FAM13A: variants seen among roughly 807,000 people sequenced by gnomAD.
FAM13A encodes family with sequence similarity 13 member A.
FAM13A carries 76 observed loss-of-function variants against 129.6 expected under a neutral mutation model. The observed-to-expected ratio is 0.59, with a 90% CI of 0.49 to 0.71. FAM13A has a LOEUF of 0.71. FAM13A is among the 30% of genes least tolerant of loss of function. The pLI, the probability that FAM13A is intolerant of heterozygous loss-of-function variation, is 0.00. For synonymous variants in FAM13A, 443 were observed against 449.9 expected, an observed-to-expected ratio of 0.98 and a Z score of 0.20; for missense variants, 1,108 against 1,249.3, an observed-to-expected ratio of 0.89 and a Z score of 1.70.
intron 14 of FAM13A, chr4:88,753,815 CA>C (rs1743115521): frequency 6.5e-6 from 1 of 154,678 alleles, no homozygotes; most frequent in Non-Finnish European, 1.4e-5. Context: ...TCAACTAGAA[CA>C]ATAACAAAGT....
chr4:88,852,144 C>T (rs1737667500), intron 6 of FAM13A, among the ~76,000 whole-genome samples: 1 of 150,836 alleles, frequency 6.6e-6, no homozygotes, highest in South Asian at 2.1e-4. Context: ...TGGACTTTCT[C>T]TAACTAACTT....
chr4:88,935,877 C>T (rs1369038931), intron 5 of FAM13A, among the ~76,000 whole-genome samples: 2 of 152,134 alleles, frequency 1.3e-5, no homozygotes, highest in Non-Finnish European at 2.9e-5. Flanking sequence ...AATCACACCC[C>T]TTGTCACATT....
intron 13 of FAM13A, among the ~76,000 whole-genome samples, chr4:88,764,235 G>A (rs1042776362): frequency 6.6e-6 from 1 of 151,708 alleles, no homozygotes; most frequent in African/African-American, 2.4e-5. Context: ...TGTTATCAAA[G>A]GTATGCTTCT....
chr4:88,876,382 A>G (rs1413422272), intron 6 of FAM13A, among the ~76,000 whole-genome samples: 1 of 152,214 alleles, frequency 6.6e-6, no homozygotes, highest in East Asian at 1.9e-4. Context: ...ACTGGAGAAG[A>G]AGATAGTTTG....
intron 5 of FAM13A, among the ~76,000 whole-genome samples, chr4:88,909,144 A>T (rs114902232): frequency 0.016 from 2,510 of 152,330 alleles, 23 homozygotes; most frequent in Non-Finnish European, 0.025. Flanking sequence ...TATCAACACA[A>T]ATGCAAATAG....
intron 5 of FAM13A, among the ~76,000 whole-genome samples, chr4:88,910,682 G>A (rs1346728778): frequency 1.4e-5 from 2 of 146,900 alleles, no homozygotes; most frequent in Admixed American, 6.9e-5. Flanking sequence ...ATGGAGTCTC[G>A]CTCTGTCACC....
intron 6 of FAM13A, among the ~76,000 whole-genome samples, chr4:88,868,116 G>T (rs992374088): frequency 4.0e-5 from 6 of 151,810 alleles, no homozygotes; most frequent in African/African-American, 1.5e-4. Context: ...TTTCATTTTT[G>T]CTAATTTCTA....
At chr4:88,967,045 C>T (rs932384054) in intron 4 of FAM13A, among the ~76,000 whole-genome samples, 2 of 152,164 alleles carry the variant, frequency 1.3e-5, no homozygotes, top group Admixed American at 6.5e-5. Context: ...AGTTACTTAG[C>T]TCACATGGTC....
At chr4:89,003,425 A>G (rs1764552710) in intron 3 of FAM13A, among the ~76,000 whole-genome samples, 1 of 152,138 alleles carries the variant, frequency 6.6e-6, no homozygotes, top group Non-Finnish European at 1.5e-5. Context: ...AGCCTGGCCA[A>G]CATGGGGAAA....
intron 6 of FAM13A, among the ~76,000 whole-genome samples, chr4:88,891,633 T>C (rs1223629833): frequency 1.3e-5 from 2 of 152,206 alleles, no homozygotes; most frequent in South Asian, 2.1e-4. Context: ...ATTCCAGTGA[T>C]ACAATCTTGG....
chr4:88,793,510 T>C (rs1169182607), intron 8 of FAM13A, among the ~76,000 whole-genome samples: 1 of 152,048 alleles, frequency 6.6e-6, no homozygotes, highest in Non-Finnish European at 1.5e-5. Flanking sequence ...GTTCTTTTAA[T>C]AGAATTCCTA....
At chr4:89,051,426 G>A (rs1344456294) in intron 1 of FAM13A, among the ~76,000 whole-genome samples, 1 of 152,112 alleles carries the variant, frequency 6.6e-6, no homozygotes, top group Non-Finnish European at 1.5e-5. Context: ...TTGGAGAATA[G>A]GTTTCAACAT....
chr4:88,792,069 A>G (rs1725286217), intron 8 of FAM13A, among the ~76,000 whole-genome samples: 1 of 152,140 alleles, frequency 6.6e-6, no homozygotes. Flanking sequence ...ATTCGTATTA[A>G]ATAATTAAGA....
intron 1 of FAM13A, among the ~76,000 whole-genome samples, chr4:89,039,371 AT>A (rs1396498590): frequency 1.3e-5 from 2 of 152,208 alleles, no homozygotes; most frequent in African/African-American, 4.8e-5. Context: ...ATTTTACCAA[AT>A]TCACACAATG....
At chr4:88,907,098 T>C (rs1026803258) in intron 5 of FAM13A, among the ~76,000 whole-genome samples, 2 of 152,244 alleles carry the variant, frequency 1.3e-5, no homozygotes, top group Non-Finnish European at 2.9e-5. Context: ...TATTTATTCA[T>C]ACACGATGAA....
At chr4:88,960,585 A>G (rs1311714353) in intron 4 of FAM13A, among the ~76,000 whole-genome samples, 1 of 152,236 alleles carries the variant, frequency 6.6e-6, no homozygotes, top group Non-Finnish European at 1.5e-5. Context: ...CATTTGAAGT[A>G]TTAAGATGAC....
intron 11 of FAM13A, among the ~76,000 whole-genome samples, chr4:88,769,605 G>A (rs569694462): frequency 4.3e-4 from 66 of 152,050 alleles, no homozygotes; most frequent in African/African-American, 1.5e-3. Flanking sequence ...AGGCTGAGGC[G>A]GGCAGATCAC....
At chr4:88,999,282 G>A (rs1430001854) in intron 3 of FAM13A, among the ~76,000 whole-genome samples, 1 of 152,124 alleles carries the variant, frequency 6.6e-6, no homozygotes, top group African/African-American at 2.4e-5. Flanking sequence ...GTCGGGACAG[G>A]TGGTGTACAT....
chr4:88,827,556 A>G (rs1733215071), intron 7 of FAM13A, among the ~76,000 whole-genome samples: 2 of 152,170 alleles, frequency 1.3e-5, no homozygotes, highest in Admixed American at 6.5e-5. Context: ...AAGACTTCAT[A>G]TTATCTGATC....
Sources: allele counts gnomAD v4.1 joint callset (sites outside exome capture counted in the v4.1 genomes callset), GRCh38; gene constraint gnomAD v4.1.1; transcripts MANE v1.5; gene names NCBI Gene and HGNC (gene_info 2026-07-23, HGNC 2026-07-21).